FGF14: variants seen among roughly 807,000 people sequenced by gnomAD.
The protein encoded by FGF14 is fibroblast growth factor homologous factor 4.
In FGF14, 5 loss-of-function variants were observed where a neutral mutation model predicts 25.5. That is an observed-to-expected ratio of 0.20 (90% CI 0.10 to 0.41). The LOEUF is 0.41. FGF14 is among the 10% of genes least tolerant of loss of function. The pLI, the probability that FGF14 is intolerant of heterozygous loss-of-function variation, is 1.00. For missense variants in FGF14, 222 were observed against 320.1 expected, an observed-to-expected ratio of 0.69 and a Z score of 2.34; for synonymous variants, 138 against 118.3, an observed-to-expected ratio of 1.17 and a Z score of -1.08.
intron 3 of FGF14, among the ~76,000 whole-genome samples, chr13:101,857,545 G>T (rs1003568986): frequency 6.6e-6 from 1 of 151,974 alleles, no homozygotes; most frequent in South Asian, 2.1e-4. Context: ...TTCCAGGCTG[G>T]ATGAGTTATC....
chr13:102,258,091 C>T (rs1487763638), intron 1 of FGF14, among the ~76,000 whole-genome samples: 2 of 152,058 alleles, frequency 1.3e-5, no homozygotes, highest in African/African-American at 4.8e-5. Flanking sequence ...AGAATGAGAG[C>T]CAAACGAAAG....
chr13:102,203,190 G>T (rs1019180266), intron 1 of FGF14, among the ~76,000 whole-genome samples: 4 of 152,152 alleles, frequency 2.6e-5, no homozygotes, highest in Non-Finnish European at 5.9e-5. Flanking sequence ...TCTTAATTAT[G>T]TTTTATGTAA....
chr13:101,714,483 A>G lies in FGF14; in HGVS notation c.*8348T>C, dbSNP rs1366375357. The G allele has an allele frequency of 4.3e-6, 7 of 1,613,018 alleles. No individual in the cohort carries two copies. The highest frequency in any genetic ancestry group is 5.9e-6 in the Non-Finnish European group (7 of 1,179,050). On this transcript the variant is annotated 3_prime_UTR_variant, in exon 5 of 5. Coordinates refer to ENST00000376143, the MANE Select transcript of FGF14 (RefSeq NM_004115.4). ...TGCATTTGTTCTGCTGAAGAGTGGT[A>G]TATTTCTGGGGAGTTCTGTGACTGT...
intron 3 of FGF14, among the ~76,000 whole-genome samples, chr13:101,766,308 C>A (rs1252555106): frequency 6.6e-6 from 1 of 152,156 alleles, no homozygotes; most frequent in East Asian, 1.9e-4. Context: ...TTCTCTTTTT[C>A]TTCCTCTCTT....
chr13:102,052,760 T>C (rs2042270387), intron 1 of FGF14, among the ~76,000 whole-genome samples: 1 of 152,092 alleles, frequency 6.6e-6, no homozygotes, highest in Non-Finnish European at 1.5e-5. Flanking sequence ...TCACCAGACC[T>C]GTTTTACAAG....
chr13:102,402,030 T>C, upstream of FGF14: 1 of 288,150 alleles, frequency 3.5e-6, no homozygotes, highest in Non-Finnish European at 6.2e-6. Context: ...TGCCATTGTG[T>C]AGCCCCTAGG....
chr13:102,387,316 T>A lies in FGF14; in HGVS notation c.208+14155A>T, dbSNP rs114498572. On this transcript the variant is annotated intron_variant, in intron 1 of 4. Transcript: ENST00000376131. ...ATTCAAATTTTATAACAGAAAAGAG[T>A]AAGGAAAGCAAAAATTATTTCTAAA... is the stretch of plus-strand genomic sequence containing the variant. Among the ~76,000 whole-genome samples, 1,064 of 152,108 alleles carry A rather than the reference T, an allele frequency of 7.0e-3. 10 individuals carry two copies. The highest frequency in any genetic ancestry group is 0.024 in the African/African-American group (1,003 of 41,486).
chr13:101,975,996 G>C (rs1049273544), intron 1 of FGF14, among the ~76,000 whole-genome samples: 3 of 152,206 alleles, frequency 2.0e-5, no homozygotes. Flanking sequence ...GCATTTGCCT[G>C]CATTAAAGTC....
At chr13:102,345,642 A>G (rs1170573798) in intron 1 of FGF14, among the ~76,000 whole-genome samples, 5 of 152,252 alleles carry the variant, frequency 3.3e-5, no homozygotes, top group Non-Finnish European at 1.5e-5. Context: ...CCATGTGGCC[A>G]TGGCTCCTAC....
intron 1 of FGF14, among the ~76,000 whole-genome samples, chr13:102,122,980 T>A (rs1332683899): frequency 2.0e-5 from 3 of 152,166 alleles, no homozygotes; most frequent in Non-Finnish European, 2.9e-5. Flanking sequence ...GCTGCCAAGT[T>A]ACCTGTAAAA....
At chr13:102,084,043 T>C (rs528993643) in intron 1 of FGF14, among the ~76,000 whole-genome samples, 93 of 152,274 alleles carry the variant, frequency 6.1e-4, no homozygotes, top group Non-Finnish European at 1.1e-3. Context: ...CCTTTTTTTT[T>C]CTCATAAATT....
chr13:102,320,408 C>T (rs185728798), intron 1 of FGF14, among the ~76,000 whole-genome samples: 86 of 152,292 alleles, frequency 5.6e-4, no homozygotes, highest in Middle Eastern at 3.4e-3. Flanking sequence ...TGGGCACCTC[C>T]CTGGCATGCA....
At chr13:101,899,891 A>G (rs905794260) in intron 1 of FGF14, among the ~76,000 whole-genome samples, 12 of 152,148 alleles carry the variant, frequency 7.9e-5, no homozygotes, top group Non-Finnish European at 1.5e-4. Flanking sequence ...AATTTGAACT[A>G]CAAAATCAGT....
chr13:101,885,365 A>G (rs2045935925), intron 1 of FGF14, among the ~76,000 whole-genome samples: 1 of 152,130 alleles, frequency 6.6e-6, no homozygotes, highest in African/African-American at 2.4e-5. Flanking sequence ...GGGAGGGAGG[A>G]AGAGAAAGAG....
At chr13:102,108,676 T>C (rs910421549) in intron 1 of FGF14, among the ~76,000 whole-genome samples, 8 of 152,248 alleles carry the variant, frequency 5.3e-5, no homozygotes, top group African/African-American at 1.9e-4. Flanking sequence ...TAGGTATGGA[T>C]AATTGCACAT....
intron 3 of FGF14, among the ~76,000 whole-genome samples, chr13:101,791,127 T>C (rs2040210262): frequency 6.6e-6 from 1 of 152,192 alleles, no homozygotes; most frequent in Admixed American, 6.5e-5. Context: ...TCTCTTCCCC[T>C]TTACAGCTGG....
intron 1 of FGF14, among the ~76,000 whole-genome samples, chr13:102,119,704 A>T (rs2045631231): frequency 6.6e-6 from 1 of 152,218 alleles, no homozygotes; most frequent in Admixed American, 6.5e-5. Context: ...ATGTATGTGC[A>T]CACACGTGTG....
intron 1 of FGF14, among the ~76,000 whole-genome samples, chr13:101,880,459 CTGG>C (rs2045641357): frequency 2.0e-5 from 3 of 152,094 alleles, no homozygotes; most frequent in African/African-American, 7.2e-5. Flanking sequence ...CCCAGCTATT[CTGG>C]AGGCTGAGGC....
chr13:102,271,829 C>T (rs545057059), intron 1 of FGF14, among the ~76,000 whole-genome samples: 33 of 152,278 alleles, frequency 2.2e-4, no homozygotes, highest in African/African-American at 7.9e-4. Flanking sequence ...CTTCTTTCCA[C>T]CCTGGCTCCC....
Sources: allele counts gnomAD v4.1 joint callset (sites outside exome capture counted in the v4.1 genomes callset), GRCh38; gene constraint gnomAD v4.1.1; transcripts MANE v1.5; gene names NCBI Gene and HGNC (gene_info 2026-07-23, HGNC 2026-07-21).